Variants in PTPRN2 observed in about 807,000 individuals in gnomAD.
PTPRN2 encodes the protein protein tyrosine phosphatase receptor type N2.
In PTPRN2, 74 loss-of-function variants were observed where a neutral mutation model predicts 118.8. The observed-to-expected ratio is 0.62, with a 90% CI of 0.52 to 0.76. The LOEUF (loss-of-function observed/expected upper bound fraction) is 0.76, where lower values mean the gene tolerates loss of function less well. Ranked by LOEUF, PTPRN2 falls within the 30% of genes least tolerant of loss-of-function variation. The pLI, the probability that PTPRN2 is intolerant of heterozygous loss-of-function variation, is 0.00. For synonymous variants in PTPRN2, 641 were observed against 608.0 expected, an observed-to-expected ratio of 1.05 and a Z score of -0.80; for missense variants, 1,481 against 1,394.4, an observed-to-expected ratio of 1.06 and a Z score of -0.99.
chr7:157,806,455 CAT>C (rs1223492052), intron 12 of PTPRN2, among the ~76,000 whole-genome samples: 1 of 152,008 alleles, frequency 6.6e-6, no homozygotes, highest in Non-Finnish European at 1.5e-5. Context: ...TGTATGTGTG[CAT>C]ATGTGTCTAT....
rs1413453688 is a variant in PTPRN2 at position 158,569,807 on chromosome 7, G to A, written c.112+17751C>T. On this transcript the variant is annotated intron_variant, in intron 1 of 22. Transcript: ENST00000389418. The stretch of plus-strand genomic sequence containing the variant: ...AGGCCGCCTGACTGACAGGAACGCG[G>A]GGCGCGAGGCCGCCTGACTGACAGG... Among the ~76,000 whole-genome samples the A allele has an allele frequency of 1.2e-4, 17 of 136,994 alleles. No homozygotes were observed. In the East Asian group the frequency reaches 3.9e-3, roughly 32 times the overall value. The allele number at this position is 136,994 out of a possible 152,430, so 89.9% of individuals were successfully genotyped here. A position where few individuals can be genotyped will look rare whatever the true frequency, so the allele number is the denominator to read the frequency against.
intron 11 of PTPRN2, among the ~76,000 whole-genome samples, chr7:158,031,512 T>C (rs1187185284): frequency 6.6e-6 from 1 of 152,140 alleles, no homozygotes; most frequent in Non-Finnish European, 1.5e-5. Context: ...AAGTGAGAGA[T>C]TTAGAAAGCC....
chr7:158,009,507 A>G (rs1322825080), intron 11 of PTPRN2, among the ~76,000 whole-genome samples: 1 of 152,198 alleles, frequency 6.6e-6, no homozygotes, highest in East Asian at 1.9e-4. Flanking sequence ...ATAACAGCAT[A>G]TTAAAAATAT....
In PTPRN2 at chr7:157,890,620, C is replaced by T. The variant is rs1166919430; in HGVS notation, c.1788+8053G>A. Among the ~76,000 whole-genome samples the T allele has an allele frequency of 7.2e-5, 11 of 152,252 alleles. No individual in the cohort carries two copies. The East Asian group carries it at 7.7e-4, about 11-fold the overall frequency. ...TTGCGCCACTGCACTCCAGCCTGGG[C>T]GACAGAGCGAGACTGTGTCTCAAAC... On this transcript the variant is annotated intron_variant, in intron 12 of 22. Coordinates refer to ENST00000389418, the MANE Select transcript of PTPRN2 (RefSeq NM_002847.5).
chr7:158,577,882 T>A (rs1276777048), intron 1 of PTPRN2, among the ~76,000 whole-genome samples: 1 of 152,152 alleles, frequency 6.6e-6, no homozygotes, highest in East Asian at 1.9e-4. Flanking sequence ...CACTGGGCCC[T>A]AACACAGACC....
At chr7:158,291,465 C>T (rs964637595) in intron 3 of PTPRN2, among the ~76,000 whole-genome samples, 8 of 152,124 alleles carry the variant, frequency 5.3e-5, no homozygotes, top group African/African-American at 1.9e-4. Flanking sequence ...TCCCCTCCCC[C>T]AATTGTTATA....
intron 3 of PTPRN2, among the ~76,000 whole-genome samples, chr7:158,280,544 C>A (rs1156890722): frequency 1.3e-5 from 2 of 152,242 alleles, no homozygotes; most frequent in Middle Eastern, 3.4e-3. Flanking sequence ...TCTTTGAAGA[C>A]CTTTCATAGC....
At chr7:158,414,679 C>T (rs1469827866) in intron 2 of PTPRN2, among the ~76,000 whole-genome samples, 2 of 152,336 alleles carry the variant, frequency 1.3e-5, no homozygotes, top group East Asian at 1.9e-4. Context: ...GCATAATTGC[C>T]GGCATTGTGC....
chr7:158,094,852 A>G (rs1283696808), intron 10 of PTPRN2, among the ~76,000 whole-genome samples: 1 of 151,988 alleles, frequency 6.6e-6, no homozygotes, highest in African/African-American at 2.4e-5. Context: ...CGCAGTCCCC[A>G]CCATCCCTCA....
chr7:157,734,522 G>C (rs995669680), intron 12 of PTPRN2, among the ~76,000 whole-genome samples: 1 of 152,180 alleles, frequency 6.6e-6, no homozygotes, highest in African/African-American at 2.4e-5. Context: ...GTAATGGATG[G>C]AAAAAGGCAG....
intron 2 of PTPRN2, among the ~76,000 whole-genome samples, chr7:158,392,422 G>A (rs1039522406): frequency 5.9e-5 from 9 of 152,192 alleles, no homozygotes; most frequent in African/African-American, 1.9e-4. Flanking sequence ...AGGAGAGGGC[G>A]GCGGGGATCT....
At chr7:157,804,369 T>G (rs1805499063) in intron 12 of PTPRN2, among the ~76,000 whole-genome samples, 1 of 152,244 alleles carries the variant, frequency 6.6e-6, no homozygotes, top group South Asian at 2.1e-4. Flanking sequence ...TCATTCGTTG[T>G]GTACCTGCTG....
In PTPRN2 at chr7:158,517,429, G is replaced by A. The variant is rs1476582347; in HGVS notation, c.113-27644C>T. On this transcript the variant is annotated intron_variant, in intron 1 of 22. Transcript: ENST00000389418. This position sits in a 1 kb window ranked among gnomAD's most constrained non-coding sequence, Gnocchi z 5.3. Reference sequence around the variant, plus strand: ...AACGTGACCCTGTACCTAAATCCCTGCAGTTCCCAAGTCTCCCTCAGTCCT... The same window carrying A: ...AACGTGACCCTGTACCTAAATCCCTACAGTTCCCAAGTCTCCCTCAGTCCT... 6.6e-6 allele frequency among the ~76,000 whole-genome samples: 1 copy of A among 152,074 alleles called. No homozygotes were observed. Among genetic ancestry groups the A allele is most frequent in the East Asian group, 1.9e-4 (1 of 5,172 alleles).
intron 3 of PTPRN2, among the ~76,000 whole-genome samples, chr7:158,207,460 A>T (rs969367384): frequency 1.3e-5 from 2 of 152,186 alleles, no homozygotes; most frequent in African/African-American, 4.8e-5. Flanking sequence ...GGATCTAATT[A>T]AACTAAAGAG....
intron 2 of PTPRN2, among the ~76,000 whole-genome samples, chr7:158,429,698 C>G (rs753580026): frequency 2.6e-5 from 4 of 152,224 alleles, no homozygotes; most frequent in Non-Finnish European, 5.9e-5. Context: ...AAGATGGGCT[C>G]AACTCAGTTT....
chr7:158,538,780 G>A (rs941801461), intron 1 of PTPRN2, among the ~76,000 whole-genome samples: 1 of 152,160 alleles, frequency 6.6e-6, no homozygotes, highest in African/African-American at 2.4e-5. Context: ...CACCTGCCTC[G>A]TGCAGGGCCC....
At chr7:157,941,691 A>G (rs1413787495) in intron 11 of PTPRN2, among the ~76,000 whole-genome samples, 3 of 152,198 alleles carry the variant, frequency 2.0e-5, no homozygotes, top group African/African-American at 7.2e-5. Flanking sequence ...GGCTAGGACC[A>G]TCCTGAAAGT....
chr7:158,446,908 C>T (rs1013424764), intron 2 of PTPRN2, among the ~76,000 whole-genome samples: 1 of 152,058 alleles, frequency 6.6e-6, no homozygotes, highest in Non-Finnish European at 1.5e-5. Flanking sequence ...CCTCCTAGCT[C>T]CTGTTCCCAC....
chr7:158,146,798 C>G (rs1820096782), intron 6 of PTPRN2, among the ~76,000 whole-genome samples: 1 of 151,806 alleles, frequency 6.6e-6, no homozygotes, highest in Admixed American at 6.6e-5. Flanking sequence ...CAACATTGTT[C>G]TCACACCAGC....
Sources: allele counts gnomAD v4.1 joint callset (sites outside exome capture counted in the v4.1 genomes callset), GRCh38; gene constraint gnomAD v4.1.1; non-coding constraint Gnocchi (gnomAD v3.1); transcripts MANE v1.5; gene names NCBI Gene and HGNC (gene_info 2026-07-23, HGNC 2026-07-21).